DLG2: variants seen among roughly 807,000 people sequenced by gnomAD.
DLG2 encodes the protein discs large MAGUK scaffold protein 2, also known as disks large homolog 2.
In DLG2, 45 loss-of-function variants were observed where a neutral mutation model predicts 132.5. That is an observed-to-expected ratio of 0.34 (90% CI 0.27 to 0.44). The LOEUF is 0.44. DLG2 is among the 20% of genes least tolerant of loss of function. The pLI is 1.00. For missense variants in DLG2, 1,045 were observed against 1,196.9 expected, an observed-to-expected ratio of 0.87 and a Z score of 1.87; for synonymous variants, 424 against 419.6, an observed-to-expected ratio of 1.01 and a Z score of -0.13.
chr11:84,250,365 C>T (rs574628074), intron 8 of DLG2, among the ~76,000 whole-genome samples: 1 of 152,292 alleles, frequency 6.6e-6, no homozygotes, highest in South Asian at 2.1e-4. Context: ...CCAGTACTTA[C>T]CAAGCACTTA....
chr11:84,175,584 T>TC (rs2095940261), intron 8 of DLG2, among the ~76,000 whole-genome samples: 1 of 152,126 alleles, frequency 6.6e-6, no homozygotes, highest in African/African-American at 2.4e-5. Context: ...GGTCACCCTT[T>TC]CAGCAGTTTT....
chr11:83,768,840 G>GT (rs2094256937), intron 18 of DLG2, among the ~76,000 whole-genome samples: 1 of 152,216 alleles, frequency 6.6e-6, no homozygotes, highest in Admixed American at 6.5e-5. Flanking sequence ...GAGATTGGCA[G>GT]TTAAGATCTG....
intron 4 of DLG2, among the ~76,000 whole-genome samples, chr11:85,236,449 T>G (rs2152662840): frequency 6.6e-6 from 1 of 152,082 alleles, no homozygotes; most frequent in South Asian, 2.1e-4. Context: ...TGCTCCTCTC[T>G]CTATGCAAGG....
At chr11:84,789,699 C>T (rs1442744118) in intron 6 of DLG2, among the ~76,000 whole-genome samples, 4 of 151,962 alleles carry the variant, frequency 2.6e-5, no homozygotes, top group Non-Finnish European at 4.4e-5. Flanking sequence ...TAACCATTAA[C>T]CATCTCTACA....
chr11:84,714,196 C>T (rs2060758723), intron 6 of DLG2, among the ~76,000 whole-genome samples: 1 of 145,200 alleles, frequency 6.9e-6, no homozygotes, highest in Non-Finnish European at 1.5e-5. Flanking sequence ...AAACATATAC[C>T]AAAATGGTCA....
chr11:84,512,429 G>T (rs2099259628), intron 7 of DLG2, among the ~76,000 whole-genome samples: 2 of 152,124 alleles, frequency 1.3e-5, no homozygotes, highest in Non-Finnish European at 2.9e-5. Flanking sequence ...CTATAACTCT[G>T]TCCTGTGTGT....
chr11:83,643,195 A>G (rs984760), intron 18 of DLG2, among the ~76,000 whole-genome samples: 51,971 of 152,012 alleles, frequency 0.34, 11,941 homozygotes, highest in African/African-American at 0.66. Flanking sequence ...CTGCCTACAC[A>G]ACTACTTCCT....
intron 7 of DLG2, among the ~76,000 whole-genome samples, chr11:84,346,479 T>G (rs990406722): frequency 6.6e-6 from 1 of 152,246 alleles, no homozygotes; most frequent in Non-Finnish European, 1.5e-5. Context: ...GTCACTCAGC[T>G]AGCATGTGAT....
rs116599191 is a variant in DLG2, at chr11:85,157,386, G to A, written c.187-2735C>T. Among the ~76,000 whole-genome samples, 427 of 152,186 alleles carry A rather than the reference G, an allele frequency of 2.8e-3. 3 individuals carry two copies. The highest frequency in any genetic ancestry group is 9.9e-3 in the African/African-American group (412 of 41,528). Reference sequence around the variant, plus strand: ...ATGATTCGACCCAAAAATGCTAAAGGCTCTACTTCTAGTAGTATGGAGAAC... The same window carrying A: ...ATGATTCGACCCAAAAATGCTAAAGACTCTACTTCTAGTAGTATGGAGAAC... On this transcript the variant is annotated intron_variant, in intron 4 of 27. Transcript: ENST00000376104.
At chr11:85,178,654 A>C (rs2079489447) in intron 4 of DLG2, among the ~76,000 whole-genome samples, 1 of 151,938 alleles carries the variant, frequency 6.6e-6, no homozygotes, top group Admixed American at 6.6e-5. Context: ...AAACAGGAAG[A>C]GAGGGAACAA....
intron 7 of DLG2, among the ~76,000 whole-genome samples, chr11:84,316,448 A>C (rs1351931534): frequency 6.6e-6 from 1 of 152,218 alleles, no homozygotes; most frequent in African/African-American, 2.4e-5. Context: ...AAGAGATGGA[A>C]AGTTTAGTTA....
Position 83,471,616 on chromosome 11 carries a change from T to G in DLG2, c.2446+10A>C. 1 of 1,600,680 alleles carries G rather than the reference T, an allele frequency of 6.2e-7. No individual in the cohort carries two copies. Among genetic ancestry groups the G allele is most frequent in the Non-Finnish European group, 8.6e-7 (1 of 1,168,540 alleles). ...TTGTTTTTCCTAGAGGAAAGAAAAATGACACTTACGAGGCACACAGGAGCC... is the reference window on the plus strand; with the variant it reads ...TTGTTTTTCCTAGAGGAAAGAAAAAGGACACTTACGAGGCACACAGGAGCC... On this transcript the variant is annotated intron_variant, in intron 24 of 27. Coordinates refer to ENST00000376104, the MANE Select transcript of DLG2 (RefSeq NM_001142699.3).
chr11:83,566,450 C>A (rs560636004), intron 19 of DLG2, among the ~76,000 whole-genome samples: 1 of 152,192 alleles, frequency 6.6e-6, no homozygotes, highest in African/African-American at 2.4e-5. Flanking sequence ...TTTGTGATCT[C>A]ATTTGGTCTA....
intron 21 of DLG2, among the ~76,000 whole-genome samples, chr11:83,489,020 T>C (rs2093688213): frequency 6.6e-6 from 1 of 152,024 alleles, no homozygotes; most frequent in Non-Finnish European, 1.5e-5. Flanking sequence ...TAACATTGCC[T>C]AATTAAAAAA....
At chr11:83,892,184 G>C (rs565220782) in intron 15 of DLG2, among the ~76,000 whole-genome samples, 49 of 152,266 alleles carry the variant, frequency 3.2e-4, no homozygotes, top group Middle Eastern at 3.4e-3. Flanking sequence ...CAGAGCTCTA[G>C]TATTGAAAAG....
chr11:84,682,257 C>T (rs912569630), intron 6 of DLG2, among the ~76,000 whole-genome samples: 6 of 152,188 alleles, frequency 3.9e-5, no homozygotes, highest in Non-Finnish European at 7.3e-5. Flanking sequence ...TAGTCACTGT[C>T]TGGCTATGTG....
intron 4 of DLG2, among the ~76,000 whole-genome samples, chr11:85,224,844 A>G (rs1410000858): frequency 1.3e-5 from 2 of 152,334 alleles, no homozygotes; most frequent in South Asian, 2.1e-4. Context: ...ATAAGCAAGC[A>G]GACAAAACTG....
chr11:84,960,661 A>G (rs1473944506), intron 6 of DLG2, among the ~76,000 whole-genome samples: 5 of 151,852 alleles, frequency 3.3e-5, no homozygotes, highest in Non-Finnish European at 5.9e-5. Context: ...TTGGTCTCAA[A>G]CTCCTGAGCT....
chr11:84,114,677 C>T (rs753476465), intron 9 of DLG2, among the ~76,000 whole-genome samples: 2 of 152,074 alleles, frequency 1.3e-5, no homozygotes, highest in African/African-American at 2.4e-5. Flanking sequence ...TGCCTCACGC[C>T]TAGTATGACT....
Sources: gnomAD v4.1 joint callset for allele counts (sites outside exome capture counted in the v4.1 genomes callset) on GRCh38, gnomAD v4.1.1 for gene constraint, MANE v1.5 for transcripts, NCBI Gene and HGNC (gene_info 2026-07-23, HGNC 2026-07-21) for gene names.